The following POLR1B variants were observed in gnomAD, a reference collection of about 807,000 sequenced individuals.
POLR1B encodes the protein RNA polymerase I subunit B, also known as DNA-directed RNA polymerase I subunit RPA2.
Under a neutral mutation model 105.8 loss-of-function variants are expected in POLR1B, and 30 were observed. The ratio of observed to expected loss-of-function variants is 0.28; its 90% CI spans 0.21 to 0.38. POLR1B has a LOEUF of 0.38. POLR1B is among the 10% of genes least tolerant of loss of function. The pLI, the probability that POLR1B is intolerant of heterozygous loss-of-function variation, is 1.00. For missense variants in POLR1B, 976 were observed against 1,435.8 expected (o/e 0.68, Z 5.17); for synonymous variants, 485 against 505.1 (o/e 0.96, Z 0.53).
At chr2:112,567,322 G>T (rs56285363) in intron 10 of POLR1B, among the ~76,000 whole-genome samples, 84,098 of 151,390 alleles carry the variant, frequency 0.56, 23,464 homozygotes, top group East Asian at 0.67. Flanking sequence ...TGTTGTTGTT[G>T]TTTTCAGGTT....
upstream of POLR1B, chr2:112,542,283 A>AGC: frequency 1.3e-6 from 2 of 1,533,086 alleles, no homozygotes; most frequent in Non-Finnish European, 1.7e-6. Context: ...CTGGCTGGAC[A>AGC]CGGCCTTAAT....
At chr2:112,554,280 G>A (rs761611436) in intron 7 of POLR1B, among the ~76,000 whole-genome samples, 1 of 151,106 alleles carries the variant, frequency 6.6e-6, no homozygotes. Context: ...TTACAGGCGC[G>A]TGCCACCATG....
chr2:112,570,651 CAT>C (rs1231540678), intron 12 of POLR1B, among the ~76,000 whole-genome samples: 1 of 152,076 alleles, frequency 6.6e-6, no homozygotes, highest in Non-Finnish European at 1.5e-5. Flanking sequence ...TGTAGCTAAA[CAT>C]AGAAAAGGTA....
rs778322728 is a variant in POLR1B at position 112,567,997 on chromosome 2, A to G, written c.1777A>G (p.Met593Val). ...VLREKRIPPW[M>V]EVVLIPMTGK... ...GAGAGAGAAAAGAATTCCTCCCTGG[A>G]TGGAAGTGGTCCTTATACCCATGAC... Residue 593 changes from methionine to valine, a missense_variant, in exon 11 of 15, where the codon ATG becomes GTG. Physicochemically the swap from Met to Val is conservative, Grantham distance 21 (BLOSUM62 1). Transcript: ENST00000263331. The G allele has an allele frequency of 1.9e-6, 3 of 1,613,878 alleles. No individual in the cohort carries two copies. The African/African-American group carries it at 4.0e-5, about 22-fold the overall frequency.
In POLR1B at chr2:112,578,084, T is replaced by A. The variant is rs1392353077; in HGVS notation, c.*2355T>A. 2.1e-4 allele frequency among the ~76,000 whole-genome samples: 32 copies of A among 152,154 alleles called. No homozygotes were observed. Among genetic ancestry groups the A allele is most frequent in the Non-Finnish European group, 1.3e-4 (9 of 68,016 alleles). The stretch of plus-strand genomic sequence containing the variant: ...TCTATTTTTAGCAGCACTAAAAACA[T>A]TCCCAAAAAAAATGTTTTTTAGCTT... On this transcript the variant is annotated 3_prime_UTR_variant, in exon 15 of 15. Transcript: ENST00000263331.
intron 9 of POLR1B, among the ~76,000 whole-genome samples, chr2:112,560,071 T>C (rs1278576756): frequency 6.6e-6 from 1 of 152,026 alleles, no homozygotes; most frequent in African/African-American, 2.4e-5. Flanking sequence ...AATGCATTCT[T>C]TGAAAGTGAA....
chr2:112,577,045 C>CT lies in POLR1B; in HGVS notation c.*1322dup, dbSNP rs886699793. On this transcript the variant is annotated 3_prime_UTR_variant, in exon 15 of 15. Coordinates refer to ENST00000263331, the MANE Select transcript of POLR1B (RefSeq NM_019014.6). ...TTGTTCCATTCTTTGGCCATTATAA[C>CT]TTTTTTCTGCAAATATTCTGGTGAC... 1.6e-4 allele frequency: 24 copies of CT among 152,166 alleles called. No homozygotes were observed. Among genetic ancestry groups the CT allele is most frequent in the African/African-American group, 5.6e-4 (23 of 41,428 alleles). The allele number at this position is 152,166 out of a possible 1,614,324, so 9.4% of individuals were successfully genotyped here.
intron 10 of POLR1B, 145 bp downstream of exon 10, chr2:112,564,644 T>A: frequency 8.8e-7 from 1 of 1,135,784 alleles, no homozygotes; most frequent in Non-Finnish European, 1.3e-6. Flanking sequence ...GCATTCCCTC[T>A]GGTGACAGAG....
chr2:112,544,645 TG>T (rs1422458356), intron 1 of POLR1B, among the ~76,000 whole-genome samples: 1 of 152,018 alleles, frequency 6.6e-6, no homozygotes, highest in Non-Finnish European at 1.5e-5. Flanking sequence ...AATTTGGCCC[TG>T]CATAGAAAAT....
Position 112,577,790 on chromosome 2 carries a change from CCACCA to C in POLR1B, c.*2065_*2069del, listed in dbSNP as rs1485994730. ...GTCCAGGCAGTGAGCCAAGATTGTG[CCACCA>C]CACTCCAGCCTGGGCGACAGAATGA... On this transcript the variant is annotated 3_prime_UTR_variant, in exon 15 of 15. Transcript: ENST00000263331. 6.8e-6 allele frequency among the ~76,000 whole-genome samples: 1 copy of C among 146,042 alleles called. No homozygotes were observed. Among genetic ancestry groups the C allele is most frequent in the African/African-American group, 2.6e-5 (1 of 39,046 alleles).
intron 6 of POLR1B, 21 bp downstream of exon 6, chr2:112,552,019 CTG>C (rs779306127): frequency 2.9e-5 from 46 of 1,601,912 alleles, no homozygotes; most frequent in Non-Finnish European, 3.7e-5. Flanking sequence ...TTTGTCTAAA[CTG>C]TTTTTGGAGG....
chr2:112,547,650 T>C, intron 3 of POLR1B, 83 bp downstream of exon 3: 1 of 1,463,794 alleles, frequency 6.8e-7, no homozygotes, highest in Non-Finnish European at 9.3e-7. Context: ...AGTGTTTTCT[T>C]TCTGTGCTCC....
At chr2:112,554,697 A>G (rs1683557103) in intron 7 of POLR1B, 1 of 152,172 alleles carries the variant, frequency 6.6e-6, no homozygotes, top group Non-Finnish European at 1.5e-5. Context: ...ACACTTATAA[A>G]TGTGTCTTTA....
chr2:112,559,194 G>C, intron 8 of POLR1B, 99 bp from the exon 9 acceptor site: 2 of 1,322,370 alleles, frequency 1.5e-6, no homozygotes, highest in South Asian at 1.3e-5. Flanking sequence ...TTCATTCTAT[G>C]ATCTGTAGAG....
At position 112,576,390 on chromosome 2, in the gene POLR1B, C is replaced by G. The variant is rs1684858402; in HGVS notation, c.*661C>G. 1 of 152,188 alleles carries G rather than the reference C, an allele frequency of 6.6e-6. No individual in the cohort carries two copies. The highest frequency in any genetic ancestry group is 1.5e-5 in the Non-Finnish European group (1 of 68,062). The allele number at this position is 152,188 out of a possible 1,614,324, so 9.4% of individuals were successfully genotyped here. Reference sequence around the variant, plus strand: ...GTAAGAACACTTAACTCAAGACCTACCCTCTTAACAAATCTTTAAGTGCAC... The same window carrying G: ...GTAAGAACACTTAACTCAAGACCTAGCCTCTTAACAAATCTTTAAGTGCAC... On this transcript the variant is annotated 3_prime_UTR_variant, in exon 15 of 15. Transcript: ENST00000263331.
rs1179368777 is a variant in POLR1B at position 112,574,991 on chromosome 2, G to A, written c.2670G>A (p.Lys890=). The change falls in exon 15 of 15, where the codon AAG becomes AAA. Residue 890 remains lysine (K), a synonymous_variant. Transcript: ENST00000263331. ...AATTTGCCAGTCGCCATGGGCAGAAGGGCATTTTAAGCAGATTGTGGCCGG... is the reference window on the plus strand; with the variant it reads ...AATTTGCCAGTCGCCATGGGCAGAAAGGCATTTTAAGCAGATTGTGGCCGG... ...GDKFASRHGQ[K]GILSRLWPAE... 1.2e-6 allele frequency: 2 copies of A among 1,614,080 alleles called. No homozygotes were observed. The highest frequency in any genetic ancestry group is 3.3e-5 in the Admixed American group (2 of 60,000).
chr2:112,556,708 A>T (rs921049366), intron 7 of POLR1B, among the ~76,000 whole-genome samples: 2 of 152,214 alleles, frequency 1.3e-5, no homozygotes, highest in African/African-American at 4.8e-5. Flanking sequence ...TTTTCTTCCA[A>T]ATATCAAATA....
chr2:112,563,672 A>C (rs1319177439), intron 9 of POLR1B, among the ~76,000 whole-genome samples: 1 of 152,048 alleles, frequency 6.6e-6, no homozygotes, highest in African/African-American at 2.4e-5. Context: ...CCAAGGCGAG[A>C]GGATTGCTTG....
chr2:112,569,013 G>A, intron 12 of POLR1B, 111 bp downstream of exon 12: 2 of 1,197,786 alleles, frequency 1.7e-6, no homozygotes, highest in Non-Finnish European at 2.3e-6. Context: ...CAAAAATACA[G>A]TTTATGGCAA....
Sources: gnomAD v4.1 joint callset for allele counts (sites outside exome capture counted in the v4.1 genomes callset) on GRCh38, gnomAD v4.1.1 for gene constraint, MANE v1.5 for transcripts, NCBI Gene and HGNC (gene_info 2026-07-23, HGNC 2026-07-21) for gene names.